The following PKD1L1 variants were observed in gnomAD, a reference collection of about 807,000 sequenced individuals.
The protein encoded by PKD1L1 is polycystin 1 like 1, transient receptor potential channel interacting.
Under a neutral mutation model 323.4 loss-of-function variants are expected in PKD1L1, and 236 were observed. That is an observed-to-expected ratio of 0.73 (90% CI 0.66 to 0.81). The LOEUF (loss-of-function observed/expected upper bound fraction) is 0.81. PKD1L1 is among the 40% of genes least tolerant of loss of function. The probability of loss-of-function intolerance (pLI) is 0.00; values close to 1 mark genes in which losing one functional copy is unlikely to be tolerated. For missense variants in PKD1L1, 3,320 were observed against 3,508.0 expected (o/e 0.95, Z 1.35); for synonymous variants, 1,344 against 1,335.0 (o/e 1.01, Z -0.15).
Position 47,813,290 on chromosome 7 carries a change from G to A in PKD1L1, c.7177C>T (p.Pro2393Ser). ...TCGATGAGTGCTGAAAATGGCCTGG[G>A]AGGCTGCAGAACAAACCAGCAGTCA... Reference protein sequence around the residue: ...KVFPRHLCKPPRPFSALIEDS... With the variant: ...KVFPRHLCKPSRPFSALIEDS... Residue 2393 changes from proline to serine, a missense_variant, in exon 49 of 57, where the codon CCC becomes TCC. Pro to Ser is a moderately conservative substitution (Grantham distance 74, BLOSUM62 -1). Coordinates refer to ENST00000289672, the MANE Select transcript of PKD1L1 (RefSeq NM_138295.5). 6.2e-7 allele frequency: 1 copy of A among 1,614,062 alleles called. No individual in the cohort carries two copies. The highest frequency in any genetic ancestry group is 8.5e-7 in the Non-Finnish European group (1 of 1,179,986).
chr7:47,811,044 G>T (rs990532482), intron 50 of PKD1L1, among the ~76,000 whole-genome samples: 1 of 152,156 alleles, frequency 6.6e-6, no homozygotes, highest in Non-Finnish European at 1.5e-5. Context: ...TGAGCACACC[G>T]TGAGAAGGCG....
chr7:47,779,456 T>A (rs1334162468), intron 56 of PKD1L1, among the ~76,000 whole-genome samples: 2 of 152,088 alleles, frequency 1.3e-5, no homozygotes, highest in African/African-American at 2.4e-5. Flanking sequence ...CCAGTGGGAG[T>A]AGGCCATAAC....
rs1583647283 is a variant in PKD1L1 at position 47,884,573 on chromosome 7, G to A, written c.3265+25C>T. 12 of 1,607,368 alleles carry A rather than the reference G, an allele frequency of 7.5e-6. No individual in the cohort carries two copies. The East Asian group carries it at 2.7e-4, about 36-fold the overall frequency. On this transcript the variant is annotated intron_variant, in intron 19 of 56. Coordinates refer to ENST00000289672, the MANE Select transcript of PKD1L1 (RefSeq NM_138295.5). Reference sequence around the variant, plus strand: ...GTGGAGGAGAGCTGAGTGGAGAGAGGCAGCAGGCATAGAAGCACAGTCACC... The same window carrying A: ...GTGGAGGAGAGCTGAGTGGAGAGAGACAGCAGGCATAGAAGCACAGTCACC...
chr7:47,830,544 A>G (rs1415448640), intron 42 of PKD1L1, among the ~76,000 whole-genome samples: 1 of 152,242 alleles, frequency 6.6e-6, no homozygotes, highest in Non-Finnish European at 1.5e-5. Context: ...CCAAGCCCTA[A>G]GAATTAAGCT....
chr7:47,878,663 G>C (rs4720620), intron 21 of PKD1L1, among the ~76,000 whole-genome samples: 54,835 of 151,848 alleles, frequency 0.36, 11,212 homozygotes, highest in African/African-American at 0.56. Context: ...TTTGAGTGAG[G>C]AGTCTTGGGG....
At chr7:47,789,297 T>C (rs1489394615) in intron 56 of PKD1L1, among the ~76,000 whole-genome samples, 3 of 152,228 alleles carry the variant, frequency 2.0e-5, no homozygotes, top group Non-Finnish European at 4.4e-5. Flanking sequence ...GTTTGTTGCA[T>C]AATAAACAAT....
chr7:47,884,881 C>A (rs1462691326), intron 18 of PKD1L1, among the ~76,000 whole-genome samples: 1 of 152,150 alleles, frequency 6.6e-6, no homozygotes, highest in Admixed American at 6.6e-5. Context: ...GGAGAGGGAG[C>A]TCCAATAGGT....
chr7:47,789,049 T>TAA (rs1786879643), intron 56 of PKD1L1, among the ~76,000 whole-genome samples: 2 of 152,228 alleles, frequency 1.3e-5, no homozygotes, highest in East Asian at 3.8e-4. Flanking sequence ...GACATGTAGT[T>TAA]TTATTTTTAA....
rs1393039661 is a variant in PKD1L1 at position 47,854,904 on chromosome 7, A to G, written c.4837T>C (p.Phe1613Leu). Residue 1613 changes from phenylalanine to leucine, a missense_variant, in exon 30 of 57, where the codon TTT becomes CTT. Coordinates refer to ENST00000289672, the MANE Select transcript of PKD1L1 (RefSeq NM_138295.5). ...IEFSKPVTRA[F>L]PVMLLVRFSE... The stretch of plus-strand genomic sequence containing the variant: ...CACCTTACTAGCAACATGACGGGAA[A>G]TGCCCTTGTAACAGGTTTGGAAAAT... 6 of 1,614,138 alleles carry G rather than the reference A, an allele frequency of 3.7e-6. No homozygotes were observed. The highest frequency in any genetic ancestry group is 1.7e-5 in the Admixed American group (1 of 60,014).
chr7:47,864,779 C>T (rs1237128783), intron 26 of PKD1L1, among the ~76,000 whole-genome samples: 1 of 143,296 alleles, frequency 7.0e-6, no homozygotes, highest in African/African-American at 2.6e-5. Flanking sequence ...AGTGCAGTGG[C>T]GCGATCTCGG....
rs1284127393 is a variant in PKD1L1, at chr7:47,835,168, C to T, written c.6019G>A (p.Ala2007Thr). 6.3e-7 allele frequency: 1 copy of T among 1,595,834 alleles called. No homozygotes were observed. The highest frequency in any genetic ancestry group is 1.4e-5 in the African/African-American group (1 of 73,638). The change falls in exon 38 of 57, where the codon GCC (alanine) becomes ACC (threonine). Residue 2007 changes from alanine to threonine, a missense_variant. Physicochemically the swap from Ala to Thr is moderately conservative, Grantham distance 58 (BLOSUM62 0). Coordinates refer to ENST00000289672, the MANE Select transcript of PKD1L1 (RefSeq NM_138295.5). Reference sequence around the variant, plus strand: ...CTGAAGAGCAGGGACAAGAGCTGGGCCCCTGGAGAAGCCAGGAGGGTACAC... The same window carrying T: ...CTGAAGAGCAGGGACAAGAGCTGGGTCCCTGGAGAAGCCAGGAGGGTACAC... ...LLCTLLASPGAQLLSLLFRLS... is the reference protein window; with the variant it reads ...LLCTLLASPGTQLLSLLFRLS...
chr7:47,906,040 T>C, intron 9 of PKD1L1, 78 bp from the exon 10 acceptor site: 1 of 1,331,202 alleles, frequency 7.5e-7, no homozygotes, highest in African/African-American at 1.5e-5. Flanking sequence ...ACAGTCAGTA[T>C]TTTTCATTTT....
At chr7:47,875,372 C>T (rs6965759) in intron 23 of PKD1L1, among the ~76,000 whole-genome samples, 55,308 of 152,086 alleles carry the variant, frequency 0.36, 11,466 homozygotes, top group African/African-American at 0.57. Context: ...ACTTCAGGCT[C>T]TAATAATCTT....
intron 56 of PKD1L1, among the ~76,000 whole-genome samples, chr7:47,789,471 A>G (rs1448748644): frequency 1.3e-5 from 2 of 152,202 alleles, no homozygotes; most frequent in Non-Finnish European, 2.9e-5. Flanking sequence ...AAAAAGATTC[A>G]TCTCTTGGAT....
intron 7 of PKD1L1, among the ~76,000 whole-genome samples, chr7:47,917,221 A>C (rs182052555): frequency 2.2e-4 from 34 of 152,294 alleles, no homozygotes; most frequent in Non-Finnish European, 4.0e-4. Context: ...AAGTAAAAGA[A>C]AGAAATTCAG....
intron 4 of PKD1L1, among the ~76,000 whole-genome samples, chr7:47,933,225 G>A (rs769781952): frequency 8.0e-4 from 121 of 151,022 alleles, no homozygotes; most frequent in Non-Finnish European, 1.4e-3. Context: ...ACTGACTGAC[G>A]CCAAGTAGCC....
At chr7:47,903,800 C>T (rs1787142205) in intron 12 of PKD1L1, among the ~76,000 whole-genome samples, 1 of 152,168 alleles carries the variant, frequency 6.6e-6, no homozygotes, top group South Asian at 2.1e-4. Flanking sequence ...TAGGACTCAC[C>T]CTAGAGGCTC....
At chr7:47,858,589 T>C in intron 27 of PKD1L1, 84 bp downstream of exon 27, 4 of 1,338,320 alleles carry the variant, frequency 3.0e-6, no homozygotes, top group Non-Finnish European at 4.2e-6. Context: ...CTGTTTTTGG[T>C]TTTGAGAAGC....
At chr7:47,781,409 G>GC (rs1487214547) in intron 56 of PKD1L1, among the ~76,000 whole-genome samples, 1 of 71,776 alleles carries the variant, frequency 1.4e-5, no homozygotes, top group East Asian at 6.1e-4. Flanking sequence ...GTTTTGTTTT[G>GC]TTTTTTTTTT....
Sources: allele counts gnomAD v4.1 joint callset (sites outside exome capture counted in the v4.1 genomes callset), GRCh38; gene constraint gnomAD v4.1.1; transcripts MANE v1.5; gene names NCBI Gene and HGNC (gene_info 2026-07-23, HGNC 2026-07-21).